EPHA6: variants seen among roughly 807,000 people sequenced by gnomAD.
EPHA6 encodes the protein ephrin type-A receptor 6.
EPHA6 carries 50 observed loss-of-function variants against 112.0 expected under a neutral mutation model. That is an observed-to-expected ratio of 0.45 (90% CI 0.36 to 0.56). EPHA6 has a LOEUF of 0.56. Among genes scored for constraint, EPHA6 ranks in the 20% least tolerant of loss-of-function variants. The pLI, the probability that EPHA6 is intolerant of heterozygous loss-of-function variation, is 0.00. For missense variants in EPHA6, 1,280 were observed against 1,417.4 expected, an observed-to-expected ratio of 0.90 and a Z score of 1.56; for synonymous variants, 529 against 490.7, an observed-to-expected ratio of 1.08 and a Z score of -1.03.
At chr3:97,055,799 T>A (rs2045832732) in intron 3 of EPHA6, among the ~76,000 whole-genome samples, 1 of 152,136 alleles carries the variant, frequency 6.6e-6, no homozygotes, top group South Asian at 2.1e-4. Flanking sequence ...GTAAAAATAA[T>A]GTATTTCCTA....
chr3:97,537,455 A>T (rs1312104670), intron 11 of EPHA6, among the ~76,000 whole-genome samples: 1 of 152,188 alleles, frequency 6.6e-6, no homozygotes, highest in East Asian at 1.9e-4. Flanking sequence ...CACTGGGAGC[A>T]ACAAATAAGT....
intron 2 of EPHA6, among the ~76,000 whole-genome samples, chr3:96,877,933 T>A (rs35975254): frequency 0.15 from 17,732 of 121,298 alleles, 1,399 homozygotes; most frequent in Non-Finnish European, 0.18. Context: ...ATATATATTT[T>A]TTTTTTTTCC....
intron 15 of EPHA6, among the ~76,000 whole-genome samples, chr3:97,728,767 G>A (rs566763716): frequency 1.6e-4 from 24 of 152,124 alleles, no homozygotes; most frequent in Non-Finnish European, 3.4e-4. Flanking sequence ...ACTTCAGTGC[G>A]GTTTCAGGCA....
intron 2 of EPHA6, among the ~76,000 whole-genome samples, chr3:96,872,076 T>G (rs977575774): frequency 1.3e-5 from 2 of 152,080 alleles, no homozygotes; most frequent in African/African-American, 4.8e-5. Flanking sequence ...TTCATTTGGT[T>G]TGATGAGTCA....
intron 3 of EPHA6, among the ~76,000 whole-genome samples, chr3:97,058,431 G>A (rs2045919087): frequency 6.6e-6 from 1 of 151,972 alleles, no homozygotes; most frequent in South Asian, 2.1e-4. Context: ...TCAAGTATCT[G>A]GGACTACAGG....
intron 11 of EPHA6, among the ~76,000 whole-genome samples, chr3:97,581,605 A>G (rs1354449851): frequency 2.0e-5 from 3 of 152,236 alleles, no homozygotes; most frequent in Non-Finnish European, 1.5e-5. Flanking sequence ...GCACTTTATA[A>G]ACACTATTTT....
At chr3:97,676,987 A>G (rs1479260938) in intron 14 of EPHA6, among the ~76,000 whole-genome samples, 3 of 152,180 alleles carry the variant, frequency 2.0e-5, no homozygotes, top group Non-Finnish European at 2.9e-5. Flanking sequence ...AGCCACATAT[A>G]TCTATTGAAC....
At chr3:97,128,688 G>A (rs1418507869) in intron 3 of EPHA6, among the ~76,000 whole-genome samples, 1 of 151,916 alleles carries the variant, frequency 6.6e-6, no homozygotes, top group South Asian at 2.1e-4. Context: ...GCTAATTTTG[G>A]TATTTTTAGT....
chr3:96,901,800 T>G (rs951773986), intron 2 of EPHA6, among the ~76,000 whole-genome samples: 1 of 152,162 alleles, frequency 6.6e-6, no homozygotes, highest in African/African-American at 2.4e-5. Flanking sequence ...GCCACTACTC[T>G]CCTTCAAACA....
At chr3:96,920,592 GCT>G (rs1251434118) in intron 2 of EPHA6, among the ~76,000 whole-genome samples, 2 of 151,832 alleles carry the variant, frequency 1.3e-5, no homozygotes, top group Non-Finnish European at 2.9e-5. Context: ...TTGATATGTA[GCT>G]CTTTCTTTCA....
chr3:97,480,909 C>G (rs532906214), intron 9 of EPHA6, among the ~76,000 whole-genome samples: 1 of 151,642 alleles, frequency 6.6e-6, no homozygotes, highest in Non-Finnish European at 1.5e-5. Context: ...CCCCACATCT[C>G]AGACAATGGG....
At chr3:97,676,455 T>C (rs2031387987) in intron 14 of EPHA6, among the ~76,000 whole-genome samples, 1 of 152,074 alleles carries the variant, frequency 6.6e-6, no homozygotes, top group African/African-American at 2.4e-5. Flanking sequence ...GAGACAAAGG[T>C]TTAATTGGAA....
At chr3:97,138,624 G>A (rs1261652370) in intron 3 of EPHA6, among the ~76,000 whole-genome samples, 1 of 152,114 alleles carries the variant, frequency 6.6e-6, no homozygotes, top group Non-Finnish European at 1.5e-5. Flanking sequence ...CAAGTCTGTG[G>A]GCCTGGCCCC....
intron 5 of EPHA6, among the ~76,000 whole-genome samples, chr3:97,291,700 G>A (rs114037391): frequency 0.015 from 2,326 of 152,272 alleles, 58 homozygotes; most frequent in African/African-American, 0.052. Context: ...GAGTCCTCCA[G>A]TGTGGGTACA....
chr3:97,113,087 C>T (rs752717418), intron 3 of EPHA6, among the ~76,000 whole-genome samples: 16 of 152,264 alleles, frequency 1.1e-4, no homozygotes, highest in Middle Eastern at 6.8e-3. Context: ...CTCAACTCAA[C>T]TGCTTCAGCT....
intron 5 of EPHA6, among the ~76,000 whole-genome samples, chr3:97,292,630 A>C (rs1466626396): frequency 6.6e-6 from 1 of 152,190 alleles, no homozygotes; most frequent in Non-Finnish European, 1.5e-5. Context: ...CACAACGGAG[A>C]GGAGACCTGT....
chr3:97,518,447 A>G (rs2092482482), intron 10 of EPHA6, among the ~76,000 whole-genome samples: 1 of 151,364 alleles, frequency 6.6e-6, no homozygotes, highest in African/African-American at 2.4e-5. Flanking sequence ...ATCTTTAGAC[A>G]TACTGATTTT....
intron 5 of EPHA6, among the ~76,000 whole-genome samples, chr3:97,318,030 G>A (rs935229986): frequency 2.0e-5 from 3 of 151,904 alleles, no homozygotes; most frequent in Non-Finnish European, 4.4e-5. Context: ...CAGAGTACTA[G>A]GTTTCAGTGT....
intron 3 of EPHA6, among the ~76,000 whole-genome samples, chr3:97,208,598 A>T (rs760834745): frequency 6.6e-6 from 1 of 151,966 alleles, no homozygotes; most frequent in Non-Finnish European, 1.5e-5. Context: ...TACAAAAAAA[A>T]TAGCTGGACA....
Sources: allele counts gnomAD v4.1 joint callset (sites outside exome capture counted in the v4.1 genomes callset), GRCh38; gene constraint gnomAD v4.1.1; transcripts MANE v1.5; gene names NCBI Gene and HGNC (gene_info 2026-07-23, HGNC 2026-07-21).